The following KCNH7 variants were observed in gnomAD, a reference collection of about 807,000 sequenced individuals.
KCNH7 encodes the protein voltage-gated inwardly rectifying potassium channel KCNH7.
In KCNH7, 49 loss-of-function variants were observed where a neutral mutation model predicts 120.8. The ratio of observed to expected loss-of-function variants is 0.41; its 90% CI spans 0.32 to 0.51. The LOEUF is 0.51. Among genes scored for constraint, KCNH7 ranks in the 20% least tolerant of loss-of-function variants. The probability of loss-of-function intolerance (pLI) is 0.38; values close to 1 mark genes in which losing one functional copy is unlikely to be tolerated. For missense variants in KCNH7, 1,097 were observed against 1,446.6 expected (o/e 0.76, Z 3.92); for synonymous variants, 547 against 516.1 (o/e 1.06, Z -0.81).
At chr2:162,723,296 C>A (rs1431389424) in intron 2 of KCNH7, among the ~76,000 whole-genome samples, 1 of 152,040 alleles carries the variant, frequency 6.6e-6, no homozygotes, top group African/African-American at 2.4e-5. Flanking sequence ...ACCAATCAGC[C>A]CAGACAGAAA....
intron 14 of KCNH7, 102 bp from the exon 15 acceptor site, chr2:162,373,764 T>G: frequency 7.4e-6 from 5 of 675,762 alleles, no homozygotes; most frequent in Non-Finnish European, 1.1e-5. Flanking sequence ...AATTATGGCC[T>G]TGCTTTAAAC....
intron 6 of KCNH7, among the ~76,000 whole-genome samples, chr2:162,473,289 A>G (rs1326801973): frequency 6.6e-6 from 1 of 152,146 alleles, no homozygotes; most frequent in African/African-American, 2.4e-5. Flanking sequence ...AAAAAAAATA[A>G]ATGCCTGACT....
intron 8 of KCNH7, among the ~76,000 whole-genome samples, chr2:162,429,133 ATAGTTG>A (rs1397182271): frequency 6.6e-6 from 1 of 151,734 alleles, no homozygotes; most frequent in Non-Finnish European, 1.5e-5. Context: ...CTTGTTAGCT[ATAGTTG>A]TAGGATTTAT....
At chr2:162,627,780 G>A (rs1394806808) in intron 2 of KCNH7, among the ~76,000 whole-genome samples, 1 of 152,088 alleles carries the variant, frequency 6.6e-6, no homozygotes, top group Non-Finnish European at 1.5e-5. Context: ...GATTGACATA[G>A]TCAACATTCA....
At chr2:162,431,739 A>T (rs1187112385) in intron 8 of KCNH7, among the ~76,000 whole-genome samples, 3 of 151,934 alleles carry the variant, frequency 2.0e-5, no homozygotes, top group Non-Finnish European at 4.4e-5. Flanking sequence ...GAAAGATACA[A>T]TTCATCTGCA....
intron 6 of KCNH7, among the ~76,000 whole-genome samples, chr2:162,456,162 A>T (rs957049753): frequency 4.6e-5 from 7 of 152,078 alleles, no homozygotes; most frequent in Admixed American, 3.9e-4. Context: ...GTTTCAAAGA[A>T]CTTCTTGATT....
chr2:162,575,528 TC>T, intron 2 of KCNH7, among the ~76,000 whole-genome samples: 1 of 152,176 alleles, frequency 6.6e-6, no homozygotes, highest in South Asian at 2.1e-4. Flanking sequence ...CTATTGGATC[TC>T]CCAATTTCAA....
At chr2:162,803,538 C>T (rs1684421309) in intron 2 of KCNH7, among the ~76,000 whole-genome samples, 1 of 151,576 alleles carries the variant, frequency 6.6e-6, no homozygotes. Context: ...TTCATTTTTG[C>T]CTGTGGAGTA....
At chr2:162,697,075 A>C (rs1375778672) in intron 2 of KCNH7, among the ~76,000 whole-genome samples, 1 of 152,176 alleles carries the variant, frequency 6.6e-6, no homozygotes, top group Non-Finnish European at 1.5e-5. Context: ...AAAAATAAAT[A>C]CTAGAAGTTT....
At chr2:162,582,359 G>A (rs1424598583) in intron 2 of KCNH7, among the ~76,000 whole-genome samples, 1 of 152,058 alleles carries the variant, frequency 6.6e-6, no homozygotes, top group Non-Finnish European at 1.5e-5. Context: ...TATATGGAGT[G>A]ATATTCTAGC....
At chr2:162,543,894 T>A (rs1272279500) in intron 2 of KCNH7, among the ~76,000 whole-genome samples, 1 of 152,194 alleles carries the variant, frequency 6.6e-6, no homozygotes, top group Non-Finnish European at 1.5e-5. Context: ...TCAACTTGAA[T>A]GATAAAAATC....
chr2:162,681,424 C>A (rs564158517), intron 2 of KCNH7, among the ~76,000 whole-genome samples: 2 of 151,720 alleles, frequency 1.3e-5, no homozygotes, highest in East Asian at 1.9e-4. Flanking sequence ...GATGATTACA[C>A]GAGGTGTTCA....
chr2:162,472,380 A>T (rs182545107), intron 6 of KCNH7, among the ~76,000 whole-genome samples: 1 of 152,336 alleles, frequency 6.6e-6, no homozygotes, highest in Admixed American at 6.5e-5. Flanking sequence ...AAGAACTCAA[A>T]CAAATTTACA....
chr2:162,838,093 C>T (rs374727884), intron 1 of KCNH7, among the ~76,000 whole-genome samples: 1 of 152,212 alleles, frequency 6.6e-6, no homozygotes, highest in Non-Finnish European at 1.5e-5. Context: ...CTGCTTCCGA[C>T]TTTCAGAAAG....
At chr2:162,642,624 T>C (rs1181356563) in intron 2 of KCNH7, among the ~76,000 whole-genome samples, 2 of 152,232 alleles carry the variant, frequency 1.3e-5, no homozygotes, top group Non-Finnish European at 2.9e-5. Context: ...TCTGCTGTTA[T>C]AGAGCGTCTT....
intron 6 of KCNH7, among the ~76,000 whole-genome samples, chr2:162,491,132 G>A (rs902854991): frequency 2.0e-5 from 3 of 152,224 alleles, no homozygotes; most frequent in East Asian, 1.9e-4. Context: ...CCCACTCTCC[G>A]ACCCATCCTG....
chr2:162,790,791 A>T (rs1361684819), intron 2 of KCNH7, among the ~76,000 whole-genome samples: 1 of 152,062 alleles, frequency 6.6e-6, no homozygotes, highest in Non-Finnish European at 1.5e-5. Flanking sequence ...ACTCTTTCAT[A>T]ATAAAAACTC....
At chr2:162,820,310 C>T (rs1046572937) in intron 2 of KCNH7, among the ~76,000 whole-genome samples, 1 of 150,696 alleles carries the variant, frequency 6.6e-6, no homozygotes, top group African/African-American at 2.4e-5. Flanking sequence ...CTCCTGACCT[C>T]GTGATCCGCC....
intron 2 of KCNH7, among the ~76,000 whole-genome samples, chr2:162,829,020 A>G (rs901972227): frequency 6.6e-6 from 1 of 152,090 alleles, no homozygotes; most frequent in Admixed American, 6.6e-5. Context: ...GAAAGAGCCC[A>G]TTGCTTTTCT....
Sources: gnomAD v4.1 joint callset for allele counts (sites outside exome capture counted in the v4.1 genomes callset) on GRCh38, gnomAD v4.1.1 for gene constraint, MANE v1.5 for transcripts, NCBI Gene and HGNC (gene_info 2026-07-23, HGNC 2026-07-21) for gene names.